GMDS: variants seen among roughly 807,000 people sequenced by gnomAD.
The protein encoded by GMDS is GDP-mannose 4,6 dehydratase.
GMDS carries 20 observed loss-of-function variants against 49.9 expected under a neutral mutation model. The ratio of observed to expected loss-of-function variants is 0.40; its 90% CI spans 0.28 to 0.58. The LOEUF (loss-of-function observed/expected upper bound fraction) is 0.58, where lower values mean the gene tolerates loss of function less well. Ranked by LOEUF, GMDS falls within the 20% of genes least tolerant of loss-of-function variation. GMDS has a pLI of 0.42. For synonymous variants in GMDS, 177 were observed against 178.6 expected (o/e 0.99, Z 0.07); for missense variants, 362 against 481.4 (o/e 0.75, Z 2.32).
chr6:1,768,493 T>TTAGAAC (rs1461490202), intron 7 of GMDS, among the ~76,000 whole-genome samples: 13 of 152,226 alleles, frequency 8.5e-5, no homozygotes, highest in African/African-American at 1.2e-4. Flanking sequence ...GAACTCCTGC[T>TTAGAAC]TCAACCAAGG....
rs1581393280 is a variant in GMDS at position 1,635,223 on chromosome 6, G to C, written c.988-10683C>G. Among the ~76,000 whole-genome samples the C allele has an allele frequency of 2.0e-5, 3 of 152,318 alleles. No homozygotes were observed. Among genetic ancestry groups the C allele is most frequent in the African/African-American group, 7.2e-5 (3 of 41,574 alleles). On this transcript the variant is annotated intron_variant, in intron 9 of 10. Transcript: ENST00000380815. This position sits in a 1 kb window ranked among gnomAD's most constrained non-coding sequence, Gnocchi z 4.7. Reference sequence around the variant, plus strand: ...TTTGAGGCCAAAGCCTCTCTGCTGAGCAAGTCTGCTTAGCTCTGGGAAAGG... The same window carrying C: ...TTTGAGGCCAAAGCCTCTCTGCTGACCAAGTCTGCTTAGCTCTGGGAAAGG...
chr6:2,052,116 C>CAAAA lies in GMDS; in HGVS notation c.345+63651_345+63654dup, dbSNP rs1285013159. On this transcript the variant is annotated intron_variant, in intron 4 of 10. Coordinates refer to ENST00000380815, the MANE Select transcript of GMDS (RefSeq NM_001500.4). ...TGGGTGACAGAGCAAGACTCTGTCT[C>CAAAA]AAAAAAAAAAAAAAGAAAAAAAAAA... 1.9e-3 allele frequency among the ~76,000 whole-genome samples: 82 copies of CAAAA among 43,582 alleles called. 2 individuals are homozygous for CAAAA. The highest frequency in any genetic ancestry group is 0.014 in the East Asian group (16 of 1,174). 28.6% of individuals were successfully genotyped at this position (43,582 alleles called of 152,430 possible). A position where few individuals can be genotyped will look rare whatever the true frequency, so the allele number is the denominator to read the frequency against.
intron 9 of GMDS, among the ~76,000 whole-genome samples, chr6:1,713,605 GAC>G (rs59883105): frequency 0.045 from 6,842 of 150,650 alleles, 289 homozygotes; most frequent in East Asian, 0.21. Flanking sequence ...GGATCAATGG[GAC>G]ACACACACAC....
At chr6:1,927,529 A>C (rs1398357345) in intron 7 of GMDS, among the ~76,000 whole-genome samples, 3 of 152,236 alleles carry the variant, frequency 2.0e-5, no homozygotes, top group Non-Finnish European at 2.9e-5. Context: ...ACCTTTTTGC[A>C]CCAACCCCTA....
chr6:2,232,700 C>T (rs1353096061), intron 1 of GMDS, among the ~76,000 whole-genome samples: 5 of 152,152 alleles, frequency 3.3e-5, no homozygotes, highest in Admixed American at 6.5e-5. Flanking sequence ...CCCAAAATCA[C>T]GCTGCGGAAC....
intron 6 of GMDS, chr6:1,952,014 A>C (rs1399389039): frequency 2.0e-6 from 2 of 977,424 alleles, no homozygotes; most frequent in Non-Finnish European, 2.4e-6. Flanking sequence ...TATTTCCACA[A>C]ATATGTACAA....
At position 1,883,269 on chromosome 6, in the gene GMDS, C is replaced by T. The variant is rs946560295; in HGVS notation, c.771+46834G>A. ...AGCTGGGTGTGGTGAGGCACGCCTACAATCCCAGCTACTCGGGAGGCTGAG... is the reference window on the plus strand; with the variant it reads ...AGCTGGGTGTGGTGAGGCACGCCTATAATCCCAGCTACTCGGGAGGCTGAG... On this transcript the variant is annotated intron_variant, in intron 7 of 10. Transcript: ENST00000380815. Among the ~76,000 whole-genome samples the T allele has an allele frequency of 3.3e-5, 5 of 152,056 alleles. No homozygotes were observed. In the East Asian group the frequency reaches 9.7e-4, roughly 30 times the overall value.
At chr6:1,910,765 CTAGAGA>C (rs1295040316) in intron 7 of GMDS, among the ~76,000 whole-genome samples, 2 of 152,260 alleles carry the variant, frequency 1.3e-5, no homozygotes, top group South Asian at 4.1e-4. Context: ...AATATTCCAT[CTAGAGA>C]TAAATTCCAC....
At chr6:2,240,616 A>AG (rs1320228700) in intron 1 of GMDS, among the ~76,000 whole-genome samples, 6 of 150,914 alleles carry the variant, frequency 4.0e-5, no homozygotes, top group East Asian at 1.9e-4. Context: ...AAAAAAAAAA[A>AG]AAAAGAAAAG....
At chr6:1,724,769 G>C (rs886499954) in intron 9 of GMDS, among the ~76,000 whole-genome samples, 6 of 152,154 alleles carry the variant, frequency 3.9e-5, no homozygotes, top group African/African-American at 1.2e-4. Context: ...TCAGCACAGC[G>C]TGGCTGGCAT....
rs200319763 is a variant in GMDS, at chr6:2,200,580, C to T, written c.102+44741G>A. Reference sequence around the variant, plus strand: ...GAAGAGAGAGCACCACATGGACATCCGAGATGTAACCATCTAGGCAGTGAG... The same window carrying T: ...GAAGAGAGAGCACCACATGGACATCTGAGATGTAACCATCTAGGCAGTGAG... On this transcript the variant is annotated intron_variant, in intron 1 of 10. Transcript: ENST00000380815. 3.4e-3 allele frequency among the ~76,000 whole-genome samples: 492 copies of T among 143,598 alleles called. 2 individuals are homozygous for T. Among genetic ancestry groups the T allele is most frequent in the East Asian group, 0.026 (123 of 4,674 alleles). The allele number at this position is 143,598 out of a possible 152,430, so 94.2% of individuals were successfully genotyped here. A position where few individuals can be genotyped will look rare whatever the true frequency, so the allele number is the denominator to read the frequency against.
intron 4 of GMDS, among the ~76,000 whole-genome samples, chr6:2,114,312 C>G (rs1774720342): frequency 6.6e-6 from 1 of 152,162 alleles, no homozygotes; most frequent in Non-Finnish European, 1.5e-5. Flanking sequence ...AAGATACTCT[C>G]ATGGCTGGTC....
In GMDS at chr6:2,167,143, T is replaced by C. The variant is rs114484433; in HGVS notation, c.103-42412A>G. 5.7e-3 allele frequency among the ~76,000 whole-genome samples: 866 copies of C among 152,336 alleles called. 2 individuals are homozygous for C. The highest frequency in any genetic ancestry group is 0.017 in the Middle Eastern group (5 of 294). ...TCCTAGATACCTAATTCAGTGGACA[T>C]TTTTTCAGACCTTGTCTTCCTTAAA... On this transcript the variant is annotated intron_variant, in intron 1 of 10. Transcript: ENST00000380815.
chr6:1,700,921 G>T (rs1765521380), intron 9 of GMDS, among the ~76,000 whole-genome samples: 1 of 152,112 alleles, frequency 6.6e-6, no homozygotes, highest in African/African-American at 2.4e-5. Flanking sequence ...AGTCAAGAAG[G>T]GTCAGTCATA....
At chr6:1,779,718 C>T (rs1161952289) in intron 7 of GMDS, among the ~76,000 whole-genome samples, 1 of 152,132 alleles carries the variant, frequency 6.6e-6, no homozygotes, top group Non-Finnish European at 1.5e-5. Context: ...GAACCTGTCC[C>T]TCTAACTGAT....
chr6:1,834,674 A>G (rs1249706794), intron 7 of GMDS, among the ~76,000 whole-genome samples: 1 of 152,230 alleles, frequency 6.6e-6, no homozygotes, highest in Non-Finnish European at 1.5e-5. Context: ...AACTTATTAA[A>G]CTTATATAAA....
At chr6:1,976,110 T>G (rs1764884315) in intron 4 of GMDS, among the ~76,000 whole-genome samples, 1 of 152,222 alleles carries the variant, frequency 6.6e-6, no homozygotes, top group Non-Finnish European at 1.5e-5. Context: ...GTACAATGAT[T>G]TAGGCTTTGT....
intron 7 of GMDS, among the ~76,000 whole-genome samples, chr6:1,801,367 G>T (rs1324230126): frequency 2.0e-5 from 3 of 152,224 alleles, no homozygotes; most frequent in African/African-American, 7.2e-5. Flanking sequence ...TATTCAAGCT[G>T]CCAATCCTGG....
At chr6:1,747,470 ACACGCT>A (rs1767545223) in intron 7 of GMDS, among the ~76,000 whole-genome samples, 1 of 4,834 alleles carries the variant, frequency 2.1e-4, no homozygotes, top group African/African-American at 9.2e-4. Context: ...ACACACACAC[ACACGCT>A]CATGCGTGTG....
Sources: allele counts gnomAD v4.1 joint callset (sites outside exome capture counted in the v4.1 genomes callset), GRCh38; gene constraint gnomAD v4.1.1; non-coding constraint Gnocchi (gnomAD v3.1); transcripts MANE v1.5; gene names NCBI Gene and HGNC (gene_info 2026-07-23, HGNC 2026-07-21).